Variants in PDE4DIP observed in about 807,000 individuals in gnomAD.
The protein encoded by PDE4DIP is myomegalin.
PDE4DIP carries 59 observed loss-of-function variants against 221.4 expected under a neutral mutation model. The observed-to-expected ratio is 0.27, with a 90% CI of 0.22 to 0.33. PDE4DIP has a LOEUF of 0.33. PDE4DIP is among the 10% of genes least tolerant of loss of function. The pLI is 1.00. For synonymous variants in PDE4DIP, 404 were observed against 815.9 expected (o/e 0.50, Z 8.60); for missense variants, 1,036 against 2,154.2 (o/e 0.48, Z 10.28).
intron 1 of PDE4DIP, among the ~76,000 whole-genome samples, chr1:148,914,394 A>ATG (rs2043383074): frequency 1.3e-5 from 2 of 151,558 alleles, no homozygotes; most frequent in African/African-American, 4.8e-5. Flanking sequence ...TGGGAGGCCA[A>ATG]GGTGGGCCAA....
At chr1:148,961,613 C>A (rs1185258574) in intron 6 of PDE4DIP, among the ~76,000 whole-genome samples, 3 of 152,218 alleles carry the variant, frequency 2.0e-5, no homozygotes, top group Non-Finnish European at 2.9e-5. Context: ...GATCACAGTG[C>A]GTGAAAATTG....
At chr1:148,981,453 G>A (rs782761519) in intron 21 of PDE4DIP, 56 bp downstream of exon 24, 32 of 1,608,936 alleles carry the variant, frequency 2.0e-5, no homozygotes, top group African/African-American at 5.3e-5. Context: ...GAGCACTGGC[G>A]GGTCAGACTG....
chr1:148,969,802 G>A (rs2058856629), intron 14 of PDE4DIP, among the ~76,000 whole-genome samples: 1 of 151,718 alleles, frequency 6.6e-6, no homozygotes, highest in Non-Finnish European at 1.5e-5. Context: ...TGCCTCCTGG[G>A]TTCAAGCAAT....
intron 42 of PDE4DIP, 110 bp from the exon 46 acceptor site, chr1:149,030,122 C>G: frequency 3.1e-6 from 3 of 977,940 alleles, no homozygotes; most frequent in East Asian, 2.7e-5. Context: ...GAAGGAGACT[C>G]CAAGCTGAAT....
chr1:149,023,681 C>G lies in PDE4DIP; in HGVS notation c.6086-764C>G, dbSNP rs1485786192. 1.9e-5 allele frequency among the ~76,000 whole-genome samples: 2 copies of G among 107,618 alleles called. 1 individual carries two copies. Among genetic ancestry groups the G allele is most frequent in the Admixed American group, 1.9e-4 (2 of 10,418 alleles). The allele number at this position is 107,618 out of a possible 152,430, so 70.6% of individuals were successfully genotyped here. On this transcript the variant is annotated intron_variant, in intron 37 of 43. Transcript: ENST00000369354. Reference sequence around the variant, plus strand: ...GTATATGTGTGCACATATATATGTACATGTATATGTGTGCACATATATATG... The same window carrying G: ...GTATATGTGTGCACATATATATGTAGATGTATATGTGTGCACATATATATG...
At chr1:148,934,317 T>TA (rs1573742393) in intron 4 of PDE4DIP, among the ~76,000 whole-genome samples, 17 of 150,312 alleles carry the variant, frequency 1.1e-4, no homozygotes, top group East Asian at 3.9e-4. Flanking sequence ...TGAACCCCAA[T>TA]TAAAAAAAAC....
intron 3 of PDE4DIP, among the ~76,000 whole-genome samples, chr1:148,869,777 T>TAA (rs3978547): frequency 1.6e-4 from 11 of 68,442 alleles, no homozygotes; most frequent in African/African-American, 5.4e-4. Flanking sequence ...TCTTGTGCTC[T>TAA]AAAAAAAAAA....
intron 1 of PDE4DIP, among the ~76,000 whole-genome samples, chr1:148,857,825 G>T (rs1553396525): frequency 1.2e-5 from 1 of 81,166 alleles, no homozygotes; most frequent in Non-Finnish European, 2.6e-5. Context: ...AAGGCTTGAG[G>T]AGGGGGAAAG....
intron 5 of PDE4DIP, among the ~76,000 whole-genome samples, chr1:148,951,652 C>T (rs1471924334): frequency 6.6e-6 from 1 of 151,774 alleles, no homozygotes; most frequent in African/African-American, 2.4e-5. Context: ...TCGCGGCTGG[C>T]TGCATCCTTA....
At chr1:148,963,313 C>T (rs587688516) in intron 9 of PDE4DIP, among the ~76,000 whole-genome samples, 1 of 152,140 alleles carries the variant, frequency 6.6e-6, no homozygotes, top group Admixed American at 6.5e-5. Flanking sequence ...TTCAGGCATC[C>T]ACTGGGCGTC....
At chr1:148,829,196 G>A (rs1448356395) in intron 1 of PDE4DIP, among the ~76,000 whole-genome samples, 1 of 132,020 alleles carries the variant, frequency 7.6e-6, no homozygotes, top group African/African-American at 2.7e-5. Context: ...TCAGAAAGAT[G>A]AGAAATGGAA....
At position 148,940,439 on chromosome 1, in the gene PDE4DIP, C is replaced by T. The variant is rs12145352; in HGVS notation, c.636+2575C>T. Among the ~76,000 whole-genome samples, 11 of 152,070 alleles carry T rather than the reference C, an allele frequency of 7.2e-5. No homozygotes were observed. In the East Asian group the frequency reaches 9.7e-4, roughly 13 times the overall value. ...GTACATTTCAAAACCTGATACATTGCGCTGTTTGTTCTATAAGACAATGTT... is the reference window on the plus strand; with the variant it reads ...GTACATTTCAAAACCTGATACATTGTGCTGTTTGTTCTATAAGACAATGTT... On this transcript the variant is annotated intron_variant, in intron 5 of 43. Transcript: ENST00000369354.
At position 148,961,967 on chromosome 1, in the gene PDE4DIP, T is replaced by C. The variant is rs1470313319; in HGVS notation, c.888+11T>C. ...AGCAGGGAACGTGAGGTAACATATT[T>C]ACCAATCAAGGACCTGTGTGGAAAC... On this transcript the variant is annotated intron_variant, in intron 7 of 43. Transcript: ENST00000369354. 5 of 974,284 alleles carry C rather than the reference T, an allele frequency of 5.1e-6. No individual in the cohort carries two copies. Among genetic ancestry groups the C allele is most frequent in the Non-Finnish European group, 8.3e-6 (5 of 600,622 alleles). 60.4% of individuals were successfully genotyped at this position (974,284 alleles called of 1,614,324 possible).
intron 1 of PDE4DIP, among the ~76,000 whole-genome samples, chr1:148,916,865 T>TG (rs1398329113): frequency 6.6e-6 from 1 of 151,918 alleles, no homozygotes; most frequent in Non-Finnish European, 1.5e-5. Flanking sequence ...GTGGTTCCTG[T>TG]GAGCTCCAGT....
chr1:148,875,981 C>T (rs1209966544), intron 3 of PDE4DIP, among the ~76,000 whole-genome samples: 10 of 152,230 alleles, frequency 6.6e-5, no homozygotes, highest in African/African-American at 1.2e-4. Context: ...AATTTGTGCA[C>T]GCGCGTGTGC....
chr1:148,975,620 G>A (rs1288515781), intron 17 of PDE4DIP, among the ~76,000 whole-genome samples: 1 of 152,126 alleles, frequency 6.6e-6, no homozygotes, highest in South Asian at 2.1e-4. Flanking sequence ...TTTTTTGGAA[G>A]AGGCCTTTCA....
chr1:148,944,420 AG>A (rs1327569270), intron 5 of PDE4DIP, among the ~76,000 whole-genome samples: 2 of 144,804 alleles, frequency 1.4e-5, no homozygotes, highest in African/African-American at 2.6e-5. Flanking sequence ...CAGGTAAAGA[AG>A]TTTAGGATTA....
chr1:148,866,629 G>GGA (rs1250870840), intron 2 of PDE4DIP: 1 of 34,300 alleles, frequency 2.9e-5, no homozygotes, highest in African/African-American at 1.3e-4. Context: ...AGGGAGGGAG[G>GGA]GGGAAGGGAG....
chr1:148,975,782 C>G (rs1362267875), intron 17 of PDE4DIP, among the ~76,000 whole-genome samples: 21 of 152,128 alleles, frequency 1.4e-4, no homozygotes, highest in South Asian at 8.3e-4. Context: ...TAGAAGATCA[C>G]TCAATGTCAT....
Sources: gnomAD v4.1 joint callset for allele counts (sites outside exome capture counted in the v4.1 genomes callset) on GRCh38, gnomAD v4.1.1 for gene constraint, MANE v1.5 for transcripts, NCBI Gene and HGNC (gene_info 2026-07-23, HGNC 2026-07-21) for gene names.